Variants in ADAMTS9 observed in about 807,000 individuals in gnomAD.
The protein encoded by ADAMTS9 is A disintegrin and metalloproteinase with thrombospondin motifs 9.
Under a neutral mutation model 257.1 loss-of-function variants are expected in ADAMTS9, and 107 were observed. The observed-to-expected ratio is 0.42, with a 90% CI of 0.36 to 0.49. The LOEUF is 0.49. Among genes scored for constraint, ADAMTS9 ranks in the 20% least tolerant of loss-of-function variants. ADAMTS9 has a pLI of 0.03. For synonymous variants in ADAMTS9, 982 were observed against 880.9 expected, an observed-to-expected ratio of 1.11 and a Z score of -2.03; for missense variants, 2,353 against 2,469.1, an observed-to-expected ratio of 0.95 and a Z score of 1.00.
intron 12 of ADAMTS9, among the ~76,000 whole-genome samples, chr3:64,640,855 C>T (rs1033522171): frequency 4.6e-5 from 7 of 152,042 alleles, no homozygotes; most frequent in Non-Finnish European, 7.4e-5. Flanking sequence ...CCCATGTCTG[C>T]TATGACAAAT....
chr3:64,683,916 G>A (rs1559827145), intron 2 of ADAMTS9, among the ~76,000 whole-genome samples: 1 of 151,970 alleles, frequency 6.6e-6, no homozygotes, highest in Non-Finnish European at 1.5e-5. Flanking sequence ...GAAGGGGGAG[G>A]GGGAGAGATG....
chr3:64,648,153 T>C (rs1453496913), intron 10 of ADAMTS9, 109 bp from the exon 11 acceptor site: 18 of 955,912 alleles, frequency 1.9e-5, no homozygotes, highest in Non-Finnish European at 2.0e-5. Context: ...ATAGGGTAAG[T>C]GGGGAAGGAA....
chr3:64,610,002 A>C (rs908340224), intron 22 of ADAMTS9, among the ~76,000 whole-genome samples: 31 of 152,314 alleles, frequency 2.0e-4, no homozygotes, highest in African/African-American at 6.5e-4. Context: ...GAGTGCCAAG[A>C]CCACTCAATG....
At chr3:64,593,741 A>C (rs2084303893) in intron 28 of ADAMTS9, among the ~76,000 whole-genome samples, 1 of 152,178 alleles carries the variant, frequency 6.6e-6, no homozygotes, top group African/African-American at 2.4e-5. Flanking sequence ...TTGCATTTTT[A>C]AATGATTTTA....
intron 16 of ADAMTS9, among the ~76,000 whole-genome samples, chr3:64,627,190 T>C (rs1448269179): frequency 1.3e-5 from 2 of 152,114 alleles, no homozygotes; most frequent in South Asian, 2.1e-4. Flanking sequence ...CTGGGTTAAT[T>C]TGGGGGGTCT....
At chr3:64,658,461 T>C in intron 4 of ADAMTS9, 41 bp downstream of exon 4, 1 of 1,577,582 alleles carries the variant, frequency 6.3e-7, no homozygotes, top group African/African-American at 1.4e-5. Flanking sequence ...CAATGGCACA[T>C]TTAGAGACCT....
intron 2 of ADAMTS9, among the ~76,000 whole-genome samples, chr3:64,681,899 G>C (rs890930573): frequency 2.6e-5 from 4 of 152,150 alleles, no homozygotes; most frequent in African/African-American, 9.7e-5. Flanking sequence ...ATTCCTGCAG[G>C]CTGTCGAAAG....
intron 16 of ADAMTS9, among the ~76,000 whole-genome samples, chr3:64,630,427 A>T (rs1484585741): frequency 6.6e-6 from 1 of 152,152 alleles, no homozygotes; most frequent in Non-Finnish European, 1.5e-5. Flanking sequence ...TAAATAAAAA[A>T]CAACTAGCTG....
At chr3:64,579,974 C>G (rs548299968) in intron 28 of ADAMTS9, among the ~76,000 whole-genome samples, 1 of 152,250 alleles carries the variant, frequency 6.6e-6, no homozygotes, top group African/African-American at 2.4e-5. Context: ...CTACACTGCC[C>G]TGTAAATGCA....
At chr3:64,651,801 A>G (rs902836538) in intron 8 of ADAMTS9, among the ~76,000 whole-genome samples, 2 of 152,182 alleles carry the variant, frequency 1.3e-5, no homozygotes, top group Non-Finnish European at 1.5e-5. Flanking sequence ...AAATAGTTTC[A>G]TGCTTCATGC....
At chr3:64,525,958 ATATAAAATTTATG>A (rs1278482773) in intron 38 of ADAMTS9, among the ~76,000 whole-genome samples, 1 of 148,092 alleles carries the variant, frequency 6.8e-6, no homozygotes, top group African/African-American at 2.4e-5. Context: ...ATAAACATTT[ATATAAAATTTATG>A]TATAAAATTT....
chr3:64,673,057 A>T (rs1701531183), intron 3 of ADAMTS9, among the ~76,000 whole-genome samples: 1 of 152,140 alleles, frequency 6.6e-6, no homozygotes, highest in African/African-American at 2.4e-5. Flanking sequence ...TAGGAACAAT[A>T]GGCTATGTAC....
chr3:64,658,612 G>A lies in ADAMTS9; in HGVS notation c.859C>T (p.Arg287Cys), dbSNP rs753362269. ...ACAAACCGTGGATAGGATAAAAAAC[G>A]TTTTGTCCTTCTGTGGGTCCTCTTT... is the stretch of plus-strand genomic sequence containing the variant. ...REKRTHRRTKRFLSYPRFVEV... is the reference protein window; with the variant it reads ...REKRTHRRTKCFLSYPRFVEV... Residue 287 changes from arginine to cysteine, a missense_variant, in exon 4 of 40, where the codon CGT becomes TGT. Physicochemically the swap from Arg to Cys is radical, Grantham distance 180. Transcript: ENST00000498707. 2.5e-6 allele frequency: 4 copies of A among 1,613,946 alleles called. No homozygotes were observed. Among genetic ancestry groups the A allele is most frequent in the Non-Finnish European group, 3.4e-6 (4 of 1,179,980 alleles).
intron 29 of ADAMTS9, among the ~76,000 whole-genome samples, chr3:64,567,780 C>A (rs186593695): frequency 7.9e-4 from 120 of 151,804 alleles, no homozygotes; most frequent in African/African-American, 2.8e-3. Flanking sequence ...AAGACCCCTG[C>A]AAAGCGCTGG....
intron 32 of ADAMTS9, among the ~76,000 whole-genome samples, chr3:64,545,084 C>T (rs1228200910): frequency 6.6e-6 from 1 of 152,098 alleles, no homozygotes; most frequent in South Asian, 2.1e-4. Context: ...GTTAGAATGG[C>T]GATTATTAAA....
At chr3:64,539,714 C>A (rs1197793816) in intron 36 of ADAMTS9, among the ~76,000 whole-genome samples, 1 of 152,198 alleles carries the variant, frequency 6.6e-6, no homozygotes, top group African/African-American at 2.4e-5. Context: ...AGAGCATTTC[C>A]AGCTACTTAG....
In ADAMTS9 at chr3:64,681,269, TG is replaced by T; in HGVS notation, c.610del (p.His204ThrfsTer51). 1.2e-6 allele frequency: 2 copies of T among 1,614,058 alleles called. No individual in the cohort carries two copies. Among genetic ancestry groups the T allele is most frequent in the Non-Finnish European group, 1.7e-6 (2 of 1,179,980 alleles). On this transcript the variant is annotated frameshift_variant, in exon 3 of 40. Transcript: ENST00000498707. LOFTEE classifies it high-confidence loss of function. ...QEDEEEQNKP[H>X]IIYRRSAPQR... is the part of the protein sequence containing the mutation. ...GGGGGCGCTGCGCCTATAAATGATGTGGGGTTTGTTTTGTTCCTCTTCATCT... is the reference window on the plus strand; with the variant it reads ...GGGGGCGCTGCGCCTATAAATGATGTGGGTTTGTTTTGTTCCTCTTCATCT...
intron 19 of ADAMTS9, 143 bp downstream of exon 19, chr3:64,620,971 G>A (rs1456991631): frequency 2.2e-5 from 23 of 1,022,610 alleles, no homozygotes; most frequent in Non-Finnish European, 3.0e-5. Context: ...CAGAGGGATG[G>A]AGAATTGGTT....
intron 16 of ADAMTS9, among the ~76,000 whole-genome samples, chr3:64,625,717 C>T (rs1385620475): frequency 6.6e-6 from 1 of 152,176 alleles, no homozygotes; most frequent in Non-Finnish European, 1.5e-5. Flanking sequence ...TGTGGTGACA[C>T]TGGGAAATGT....
Sources: allele counts gnomAD v4.1 joint callset (sites outside exome capture counted in the v4.1 genomes callset), GRCh38; gene constraint gnomAD v4.1.1; transcripts MANE v1.5; gene names NCBI Gene and HGNC (gene_info 2026-07-23, HGNC 2026-07-21).